Variants in TEAD1 observed in about 807,000 individuals in gnomAD.
TEAD1 encodes transcriptional enhancer factor TEF-1.
Under a neutral mutation model 54.9 loss-of-function variants are expected in TEAD1, and 9 were observed. The ratio of observed to expected loss-of-function variants is 0.16; its 90% confidence interval spans 0.10 to 0.29. The LOEUF (loss-of-function observed/expected upper bound fraction) is 0.29. Among genes scored for constraint, TEAD1 ranks in the 10% least tolerant of loss-of-function variants. The probability of loss-of-function intolerance (pLI) is 1.00; values close to 1 mark genes in which losing one functional copy is unlikely to be tolerated. For synonymous variants in TEAD1, 200 were observed against 187.8 expected, an observed-to-expected ratio of 1.07 and a Z score of -0.53; for missense variants, 387 against 535.9, an observed-to-expected ratio of 0.72 and a Z score of 2.74.
intron 3 of TEAD1, among the ~76,000 whole-genome samples, chr11:12,798,982 C>T (rs1414912577): frequency 1.3e-5 from 2 of 152,220 alleles, no homozygotes; most frequent in Non-Finnish European, 2.9e-5. Flanking sequence ...TGCCTGCTGG[C>T]ACCCTGTTAG....
chr11:12,902,666 G>A (rs558734640), intron 10 of TEAD1, among the ~76,000 whole-genome samples: 2 of 152,248 alleles, frequency 1.3e-5, no homozygotes, highest in South Asian at 2.1e-4. Context: ...CTAGCGCTGC[G>A]AGTTTATGAT....
intron 2 of TEAD1, among the ~76,000 whole-genome samples, chr11:12,745,082 C>G (rs1463870237): frequency 6.6e-6 from 1 of 152,138 alleles, no homozygotes; most frequent in African/African-American, 2.4e-5. Flanking sequence ...ATGAACAGCT[C>G]CCTGGGAGAC....
At chr11:12,804,616 G>C (rs1415590699) in intron 3 of TEAD1, among the ~76,000 whole-genome samples, 1 of 152,214 alleles carries the variant, frequency 6.6e-6, no homozygotes, top group Non-Finnish European at 1.5e-5. Flanking sequence ...GTAAGTTTGT[G>C]ATGTGGCTTC....
chr11:12,840,260 AAAG>A (rs1472230525), intron 3 of TEAD1, among the ~76,000 whole-genome samples: 2,136 of 17,590 alleles, frequency 0.12, 208 homozygotes, highest in East Asian at 0.19. Flanking sequence ...AAAAAAAAAA[AAAG>A]AAAAAAAAAA....
At chr11:12,788,885 CA>C (rs1680482108) in intron 3 of TEAD1, among the ~76,000 whole-genome samples, 1 of 152,082 alleles carries the variant, frequency 6.6e-6, no homozygotes, top group South Asian at 2.1e-4. Context: ...GATTAAAAAC[CA>C]ATTTAACTGG....
In TEAD1 at chr11:12,840,584, C is replaced by G. The variant is rs146002338; in HGVS notation, c.203-21666C>G. Among the ~76,000 whole-genome samples, 338 of 152,218 alleles carry G rather than the reference C, an allele frequency of 2.2e-3. 8 individuals carry two copies. The East Asian group carries it at 0.052, about 24-fold the overall frequency. On this transcript the variant is annotated intron_variant, in intron 3 of 12. Transcript: ENST00000527636. ...CGTGTCTTAGCCTGGGGGCCTAGGT[C>G]TGGGGTTCGGCTGTGTGCTCTTCCT... is the stretch of plus-strand genomic sequence containing the variant.
chr11:12,749,338 T>C (rs1171595527), intron 2 of TEAD1, among the ~76,000 whole-genome samples: 1 of 152,178 alleles, frequency 6.6e-6, no homozygotes, highest in East Asian at 1.9e-4. Flanking sequence ...GCTCATCTTG[T>C]TCCTCTACCA....
At chr11:12,803,906 C>T (rs866024595) in intron 3 of TEAD1, among the ~76,000 whole-genome samples, 7 of 152,250 alleles carry the variant, frequency 4.6e-5, no homozygotes, top group Middle Eastern at 3.4e-3. Context: ...CCTGAAGCAG[C>T]GTTGTGGATT....
intron 3 of TEAD1, among the ~76,000 whole-genome samples, chr11:12,785,929 CG>C (rs1945668329): frequency 1.3e-5 from 2 of 152,266 alleles, no homozygotes; most frequent in South Asian, 4.1e-4. Context: ...TTGCACGTAG[CG>C]TAAGATGGCA....
chr11:12,679,533 T>C lies in TEAD1; in HGVS notation c.-55+3972T>C, dbSNP rs138760189. Among the ~76,000 whole-genome samples the C allele has an allele frequency of 1.9e-3, 282 of 152,344 alleles. 1 individual carries two copies. The highest frequency in any genetic ancestry group is 6.1e-3 in the African/African-American group (255 of 41,592). On this transcript the variant is annotated intron_variant, in intron 2 of 12. Coordinates refer to ENST00000527636, the MANE Select transcript of TEAD1 (RefSeq NM_021961.6). Reference sequence around the variant, plus strand: ...GAATATACAACACTGTTGTTCTTACTGATACATAAACTGAAAAACTGCTGC... The same window carrying C: ...GAATATACAACACTGTTGTTCTTACCGATACATAAACTGAAAAACTGCTGC...
intron 5 of TEAD1, among the ~76,000 whole-genome samples, chr11:12,869,887 CT>C (rs34566296): frequency 0.38 from 56,279 of 149,534 alleles, 12,749 homozygotes; most frequent in African/African-American, 0.64. Flanking sequence ...TTTTCTTTTT[CT>C]TTTTTTTTTG....
intron 3 of TEAD1, among the ~76,000 whole-genome samples, chr11:12,800,415 A>G (rs1946029994): frequency 1.3e-5 from 2 of 152,194 alleles, no homozygotes; most frequent in South Asian, 4.1e-4. Flanking sequence ...TCTGGAGAGA[A>G]ATACAAATTA....
At chr11:12,778,976 G>A (rs1409281618) in intron 3 of TEAD1, among the ~76,000 whole-genome samples, 1 of 152,152 alleles carries the variant, frequency 6.6e-6, no homozygotes, top group Admixed American at 6.5e-5. Flanking sequence ...CTGAGATGTT[G>A]TGAACTAGAG....
At chr11:12,930,644 C>G (rs1275207787) in intron 12 of TEAD1, among the ~76,000 whole-genome samples, 2 of 152,112 alleles carry the variant, frequency 1.3e-5, no homozygotes, top group African/African-American at 4.8e-5. Flanking sequence ...TTTTAAACAT[C>G]CGGCTGTATC....
intron 9 of TEAD1, among the ~76,000 whole-genome samples, chr11:12,893,598 C>CT (rs1337503190): frequency 1.3e-5 from 2 of 152,318 alleles, no homozygotes; most frequent in Non-Finnish European, 2.9e-5. Flanking sequence ...GTTGCTCACT[C>CT]AGTCGGTGGG....
At chr11:12,931,597 A>G (rs1007418228) in intron 12 of TEAD1, among the ~76,000 whole-genome samples, 1 of 152,076 alleles carries the variant, frequency 6.6e-6, no homozygotes, top group Non-Finnish European at 1.5e-5. Context: ...TTTGTTTTTT[A>G]GAAAGGCTGT....
At chr11:12,936,180 C>T (rs1229905076) in intron 12 of TEAD1, among the ~76,000 whole-genome samples, 1 of 152,158 alleles carries the variant, frequency 6.6e-6, no homozygotes, top group African/African-American at 2.4e-5. Flanking sequence ...AAAGTTCCTT[C>T]TGAGAATAGC....
At chr11:12,814,602 C>T (rs961849010) in intron 3 of TEAD1, among the ~76,000 whole-genome samples, 37 of 152,104 alleles carry the variant, frequency 2.4e-4, no homozygotes, top group African/African-American at 8.7e-4. Context: ...ATTCAGAAGC[C>T]GAATAAATGA....
At chr11:12,806,386 G>T (rs1203568929) in intron 3 of TEAD1, among the ~76,000 whole-genome samples, 1 of 152,214 alleles carries the variant, frequency 6.6e-6, no homozygotes. Context: ...CAGATTCAGG[G>T]AAGTGGCCTA....
Sources: gnomAD v4.1 joint callset for allele counts (sites outside exome capture counted in the v4.1 genomes callset) on GRCh38, gnomAD v4.1.1 for gene constraint, MANE v1.5 for transcripts, NCBI Gene and HGNC (gene_info 2026-07-23, HGNC 2026-07-21) for gene names.